Variants in KSR2 observed in about 807,000 individuals in gnomAD.
KSR2 encodes the protein kinase suppressor of ras 2.
In KSR2, 25 loss-of-function variants were observed where a neutral mutation model predicts 107.8. The observed-to-expected ratio is 0.23, with a 90% confidence interval of 0.17 to 0.32. KSR2 has a LOEUF of 0.32. KSR2 is among the 10% of genes least tolerant of loss of function. The pLI, the probability that KSR2 is intolerant of heterozygous loss-of-function variation, is 1.00. For synonymous variants in KSR2, 480 were observed against 507.0 expected, an observed-to-expected ratio of 0.95 and a Z score of 0.71; for missense variants, 887 against 1,268.9, an observed-to-expected ratio of 0.70 and a Z score of 4.57.
In KSR2 at chr12:117,855,542, A is replaced by T. The variant is rs369257982; in HGVS notation, c.358T>A (p.Leu120Met). The T allele has an allele frequency of 1.9e-6, 3 of 1,613,892 alleles. No homozygotes were observed. The African/African-American group carries it at 4.0e-5, about 22-fold the overall frequency. The part of the protein sequence containing the change: ...SPGQLSLEDL[L>M]EMTDEQVCET... ...CACACCTGTTCATCCGTCATCTCCA[A>T]GAGGTCCTCCAGGCTCAGCTGGCCG... Residue 120 changes from leucine to methionine, a missense_variant, in exon 3 of 20, where the codon TTG becomes ATG. Leu to Met is a conservative substitution (Grantham distance 15). Transcript: ENST00000339824.
At chr12:117,605,539 C>G (rs1168425105) in intron 5 of KSR2, among the ~76,000 whole-genome samples, 1 of 152,138 alleles carries the variant, frequency 6.6e-6, no homozygotes, top group East Asian at 1.9e-4. Flanking sequence ...CTAATGTTCT[C>G]TCTGCTTCCC....
At chr12:117,876,732 T>C (rs1438756271) in intron 1 of KSR2, among the ~76,000 whole-genome samples, 1 of 149,224 alleles carries the variant, frequency 6.7e-6, no homozygotes, top group East Asian at 1.9e-4. Flanking sequence ...ATAATTCATA[T>C]ATAATACATA....
At position 117,469,671 on chromosome 12, in the gene KSR2, T is replaced by C. The variant is rs1871324290; in HGVS notation, c.2837A>G (p.Lys946Arg). Residue 946 changes from lysine (K) to arginine (R), a missense_variant, in exon 19 of 20, where the codon AAG becomes AGG. Physicochemically the swap from Lys to Arg is conservative, Grantham distance 26. Coordinates refer to ENST00000339824, the MANE Select transcript of KSR2 (RefSeq NM_173598.6). The part of the protein sequence containing the change: ...RRLSHPGHFW[K>R]SAEL The stretch of plus-strand genomic sequence containing the variant: ...AAGGGAGAAAACCTACTCTGCAGAC[T>C]TCCAGAAATGTCCAGGGTGAGACAG... 1 of 1,612,764 alleles carries C rather than the reference T, an allele frequency of 6.2e-7. No individual in the cohort carries two copies. Among genetic ancestry groups the C allele is most frequent in the Non-Finnish European group, 8.5e-7 (1 of 1,179,452 alleles).
intron 4 of KSR2, among the ~76,000 whole-genome samples, chr12:117,752,369 T>C (rs1010195656): frequency 3.9e-5 from 6 of 152,186 alleles, no homozygotes; most frequent in Non-Finnish European, 7.4e-5. Context: ...ACAGAAGAAT[T>C]TCCAAAGAAG....
At chr12:117,574,992 T>C (rs190107152) in intron 7 of KSR2, among the ~76,000 whole-genome samples, 27 of 151,580 alleles carry the variant, frequency 1.8e-4, no homozygotes, top group African/African-American at 6.1e-4. Context: ...GATCACACAC[T>C]ACTACTTTTG....
intron 9 of KSR2, among the ~76,000 whole-genome samples, chr12:117,552,320 G>T (rs567032196): frequency 1.3e-5 from 2 of 152,112 alleles, no homozygotes; most frequent in African/African-American, 4.8e-5. Context: ...TGCCTGCCAC[G>T]GGCTCTTTAA....
At chr12:117,480,220 G>T (rs1872084650) in intron 16 of KSR2, among the ~76,000 whole-genome samples, 1 of 152,138 alleles carries the variant, frequency 6.6e-6, no homozygotes, top group Admixed American at 6.5e-5. Context: ...AAGCTTCTCT[G>T]CTCCCATCTT....
At chr12:117,935,618 G>A (rs921307608) in intron 1 of KSR2, among the ~76,000 whole-genome samples, 10 of 152,094 alleles carry the variant, frequency 6.6e-5, no homozygotes, top group Non-Finnish European at 1.2e-4. Context: ...AAAGTTAGCC[G>A]GTCGTAGTAG....
chr12:117,692,561 T>C (rs982890854), intron 4 of KSR2, among the ~76,000 whole-genome samples: 2 of 148,732 alleles, frequency 1.3e-5, no homozygotes, highest in Non-Finnish European at 3.0e-5. Context: ...TATATATATA[T>C]ATATGAGTTG....
Position 117,950,749 on chromosome 12 carries a change from A to ATAATAATAAT in KSR2, c.180+17326_180+17327insATTATTATTA, listed in dbSNP as rs60499991. ...GAGCAAGACTCTGTAAAAAAAAAAAAAATAATAATAATAATAATAATGATA... is the reference window on the plus strand; with the variant it reads ...GAGCAAGACTCTGTAAAAAAAAAAAATAATAATAATAATAATAATAATAATAATAATGATA... On this transcript the variant is annotated intron_variant, in intron 1 of 19. Transcript: ENST00000339824. Among the ~76,000 whole-genome samples, 142 of 132,146 alleles carry ATAATAATAAT rather than the reference A, an allele frequency of 1.1e-3. 2 individuals are homozygous for ATAATAATAAT. Among genetic ancestry groups the ATAATAATAAT allele is most frequent in the East Asian group, 1.1e-3 (5 of 4,626 alleles). 86.7% of individuals were successfully genotyped at this position (132,146 alleles called of 152,430 possible).
At chr12:117,924,572 C>CAAAA (rs58789868) in intron 1 of KSR2, among the ~76,000 whole-genome samples, 535 of 37,766 alleles carry the variant, frequency 0.014, no homozygotes, top group Non-Finnish European at 0.019. Flanking sequence ...AGCTCCATCT[C>CAAAA]AAAAAAAAAA....
At chr12:117,712,156 G>A (rs1886807963) in intron 4 of KSR2, among the ~76,000 whole-genome samples, 1 of 152,200 alleles carries the variant, frequency 6.6e-6, no homozygotes, top group Non-Finnish European at 1.5e-5. Flanking sequence ...GCAAGAAGTG[G>A]CAGGTGAGGT....
At position 117,467,072 on chromosome 12, in the gene KSR2, C is replaced by A. The variant is rs1871180520; in HGVS notation, c.*127G>T. 1 of 519,076 alleles carries A rather than the reference C, an allele frequency of 1.9e-6. No individual in the cohort carries two copies. The highest frequency in any genetic ancestry group is 3.5e-6 in the Non-Finnish European group (1 of 288,030). 32.2% of individuals were successfully genotyped at this position (519,076 alleles called of 1,614,324 possible). ...GGCCGCCGAGCAGTTGTCCAGTGCTCCCAGGTCGGTCGGGGTTGGTACCCT... is the reference window on the plus strand; with the variant it reads ...GGCCGCCGAGCAGTTGTCCAGTGCTACCAGGTCGGTCGGGGTTGGTACCCT... On this transcript the variant is annotated 3_prime_UTR_variant, in exon 20 of 20. Coordinates refer to ENST00000339824, the MANE Select transcript of KSR2 (RefSeq NM_173598.6).
intron 7 of KSR2, among the ~76,000 whole-genome samples, chr12:117,565,384 C>T (rs1878417920): frequency 6.6e-6 from 1 of 152,166 alleles, no homozygotes. Context: ...AACCTGGCTC[C>T]TAATATCCAA....
At chr12:117,513,286 T>C (rs1388067834) in intron 14 of KSR2, among the ~76,000 whole-genome samples, 1 of 152,242 alleles carries the variant, frequency 6.6e-6, no homozygotes, top group Non-Finnish European at 1.5e-5. Context: ...AATCCTGATA[T>C]ACTCCATGAC....
chr12:117,557,632 AC>A (rs1290936575), intron 8 of KSR2, among the ~76,000 whole-genome samples: 2 of 152,194 alleles, frequency 1.3e-5, no homozygotes, highest in Non-Finnish European at 2.9e-5. Flanking sequence ...CTATATCTGT[AC>A]CAGTATAAGC....
At position 117,846,332 on chromosome 12, in the gene KSR2, C is replaced by T. The variant is rs917316804; in HGVS notation, c.472+9096G>A. ...TTTTTGAGACAGAATCTCACTCTGT[C>T]GCCCAGGCTGGAGTGCAGTGGCATG... On this transcript the variant is annotated intron_variant, in intron 3 of 19. Coordinates refer to ENST00000339824, the MANE Select transcript of KSR2 (RefSeq NM_173598.6). Among the ~76,000 whole-genome samples, 2 of 144,094 alleles carry T rather than the reference C, an allele frequency of 1.4e-5. 1 individual carries two copies. The highest frequency in any genetic ancestry group is 4.5e-4 in the South Asian group (2 of 4,484). The allele number at this position is 144,094 out of a possible 152,430, so 94.5% of individuals were successfully genotyped here. A position where few individuals can be genotyped will look rare whatever the true frequency, so the allele number is the denominator to read the frequency against.
Position 117,867,953 on chromosome 12 carries a change from CTTATAAATTCTTTCTTGGGACT to C in KSR2, c.181-7544_181-7523del, listed in dbSNP as rs982129152. Reference sequence around the variant, plus strand: ...CAAATGCCACCTGCTCCAGCAGGACCTTATAAATTCTTTCTTGGGACTTTATAAATTCTTTCTTGGGACTTTA... The same window carrying C: ...CAAATGCCACCTGCTCCAGCAGGACCTTATAAATTCTTTCTTGGGACTTTA... On this transcript the variant is annotated intron_variant, in intron 1 of 19. Coordinates refer to ENST00000339824, the MANE Select transcript of KSR2 (RefSeq NM_173598.6). Among the ~76,000 whole-genome samples, 8 of 152,272 alleles carry C rather than the reference CTTATAAATTCTTTCTTGGGACT, an allele frequency of 5.3e-5. No homozygotes were observed. The East Asian group carries it at 5.8e-4, about 11-fold the overall frequency.
chr12:117,528,956 A>G (rs1875418301), intron 12 of KSR2, among the ~76,000 whole-genome samples: 1 of 152,330 alleles, frequency 6.6e-6, no homozygotes, highest in East Asian at 1.9e-4. Flanking sequence ...AAATTGTAGA[A>G]TTGGTTTATG....
Sources: gnomAD v4.1 joint callset for allele counts (sites outside exome capture counted in the v4.1 genomes callset) on GRCh38, gnomAD v4.1.1 for gene constraint, MANE v1.5 for transcripts, NCBI Gene and HGNC (gene_info 2026-07-23, HGNC 2026-07-21) for gene names.